The following KRABD5 variants were observed in gnomAD, a reference collection of about 807,000 sequenced individuals.
KRABD5 encodes KRAB domain-containing protein 5.
chr16:31,729,018 A>G, the KRABD5 span, among the ~76,000 whole-genome samples: 3 of 152,122 alleles, frequency 2.0e-5, no homozygotes, highest in Admixed American at 2.0e-4. Flanking sequence ...CCTCTCTATT[A>G]TTATATAGTT....
the KRABD5 span, among the ~76,000 whole-genome samples, chr16:31,726,215 C>A: frequency 2.6e-5 from 4 of 152,188 alleles, no homozygotes; most frequent in South Asian, 6.2e-4. Context: ...TTTCCAGCAT[C>A]ATTTATTGAA....
At chr16:31,753,322 G>A in the KRABD5 span, among the ~76,000 whole-genome samples, 4 of 152,042 alleles carry the variant, frequency 2.6e-5, no homozygotes, top group Non-Finnish European at 4.4e-5. Context: ...CAGTTGACCC[G>A]ACATATCATT....
chr16:31,717,801 T>G, the KRABD5 span, among the ~76,000 whole-genome samples: 1 of 152,156 alleles, frequency 6.6e-6, no homozygotes, highest in East Asian at 1.9e-4. Context: ...GAGGGGATGT[T>G]CCCTCTAAGA....
chr16:31,757,515 G>A, the KRABD5 span: 1 of 152,132 alleles, frequency 6.6e-6, no homozygotes, highest in Non-Finnish European at 1.5e-5. Flanking sequence ...CCCTACTGAG[G>A]AGGATGGGGA....
At chr16:31,733,421 A>G in the KRABD5 span, 3 of 426,882 alleles carry the variant, frequency 7.0e-6, no homozygotes, top group Non-Finnish European at 1.4e-5. Flanking sequence ...CATAATTGTC[A>G]TCTCAAACAT....
chr16:31,725,946 C>CT, the KRABD5 span, among the ~76,000 whole-genome samples: 1 of 152,150 alleles, frequency 6.6e-6, no homozygotes, highest in South Asian at 2.1e-4. Context: ...TCTTTGTTTC[C>CT]TTTGCTGTGC....
chr16:31,723,859 T>C, the KRABD5 span, among the ~76,000 whole-genome samples: 1 of 152,302 alleles, frequency 6.6e-6, no homozygotes, highest in Non-Finnish European at 1.5e-5. Flanking sequence ...CCTACAAAAA[T>C]TGAGACTCAG....
the KRABD5 span, among the ~76,000 whole-genome samples, chr16:31,749,111 G>C: frequency 7.9e-5 from 12 of 152,350 alleles, no homozygotes; most frequent in African/African-American, 2.6e-4. Flanking sequence ...TCTCGCTAGG[G>C]GCTCAGGCCC....
the KRABD5 span, chr16:31,755,325 T>C: frequency 4.0e-6 from 2 of 505,898 alleles, no homozygotes; most frequent in Non-Finnish European, 8.1e-6. Flanking sequence ...GGCAAAGCCT[T>C]TAATTGTAGT....
chr16:31,735,007 G>T, the KRABD5 span, among the ~76,000 whole-genome samples: 1 of 151,886 alleles, frequency 6.6e-6, no homozygotes. Context: ...TCTTGGCCTC[G>T]CAAAGTGCTG....
At chr16:31,758,921 A>C in the KRABD5 span, 1 of 153,918 alleles carries the variant, frequency 6.5e-6, no homozygotes, top group Non-Finnish European at 1.4e-5. Context: ...TATAATTTGT[A>C]GTTGTAAAAT....
chr16:31,754,395 C>G, the KRABD5 span: 1 of 613,418 alleles, frequency 1.6e-6, no homozygotes, highest in Non-Finnish European at 2.9e-6. Context: ...CATAATAAAA[C>G]TTTGACAGCC....
the KRABD5 span, chr16:31,759,568 A>G: frequency 1.4e-6 from 1 of 735,734 alleles, no homozygotes; most frequent in South Asian, 1.5e-5. Flanking sequence ...AAAAAAATTA[A>G]ATGGGTGGGG....
the KRABD5 span, among the ~76,000 whole-genome samples, chr16:31,713,801 T>G: frequency 1.3e-5 from 2 of 152,202 alleles, no homozygotes; most frequent in African/African-American, 4.8e-5. Context: ...TTTTTCCTCT[T>G]ACAAATTAAG....
At chr16:31,721,657 G>A in the KRABD5 span, among the ~76,000 whole-genome samples, 1 of 152,150 alleles carries the variant, frequency 6.6e-6, no homozygotes, top group Non-Finnish European at 1.5e-5. Context: ...CTGCTAGGAT[G>A]ACATCTAGTA....
the KRABD5 span, among the ~76,000 whole-genome samples, chr16:31,725,856 A>G: frequency 1.3e-5 from 2 of 152,192 alleles, no homozygotes; most frequent in Admixed American, 6.5e-5. Flanking sequence ...AGATTCTTAC[A>G]TCTTTTGGAT....
the KRABD5 span, among the ~76,000 whole-genome samples, chr16:31,729,076 C>T: frequency 4.6e-5 from 7 of 152,232 alleles, no homozygotes; most frequent in African/African-American, 1.4e-4. Flanking sequence ...CCTGTTTTGT[C>T]TAATGTAAGT....
the KRABD5 span, chr16:31,722,695 C>T: frequency 6.2e-7 from 1 of 1,613,118 alleles, no homozygotes; most frequent in South Asian, 1.1e-5. Context: ...GGACTCAGAT[C>T]AGAAGCTTTT....
chr16:31,749,755 T>A, the KRABD5 span, among the ~76,000 whole-genome samples: 1 of 152,206 alleles, frequency 6.6e-6, no homozygotes, highest in Non-Finnish European at 1.5e-5. Flanking sequence ...TCTCTGTGGA[T>A]CATGCCAGCC....
Sources: gnomAD v4.1 joint callset for allele counts (sites outside exome capture counted in the v4.1 genomes callset) on GRCh38, gnomAD v4.1.1 for gene constraint, MANE v1.5 for transcripts, NCBI Gene and HGNC (gene_info 2026-07-23, HGNC 2026-07-21) for gene names.